Variants in XKR6 observed in about 807,000 individuals in gnomAD.
XKR6 encodes the protein XK-related protein 6.
Under a neutral mutation model 56.7 loss-of-function variants are expected in XKR6, and 22 were observed. That is an observed-to-expected ratio of 0.39 (90% confidence interval 0.28 to 0.55). XKR6 has a LOEUF of 0.55. XKR6 is among the 20% of genes least tolerant of loss of function. The pLI, the probability that XKR6 is intolerant of heterozygous loss-of-function variation, is 0.66. For synonymous variants in XKR6, 524 were observed against 387.8 expected, an observed-to-expected ratio of 1.35 and a Z score of -4.13; for missense variants, 852 against 889.0, an observed-to-expected ratio of 0.96 and a Z score of 0.53.
intron 1 of XKR6, among the ~76,000 whole-genome samples, chr8:11,182,882 G>A (rs73530600): frequency 0.037 from 5,589 of 151,954 alleles, 349 homozygotes; most frequent in African/African-American, 0.13. Flanking sequence ...GTATCCCCTC[G>A]CCCCAGCCCC....
chr8:11,120,944 C>G (rs532673836), intron 1 of XKR6, among the ~76,000 whole-genome samples: 2 of 152,212 alleles, frequency 1.3e-5, no homozygotes, highest in African/African-American at 4.8e-5. Context: ...GGAAAGGATT[C>G]CCTATTTAAT....
rs537683575 is a variant in XKR6, at chr8:11,185,832, T to C, written c.764+14744A>G. Among the ~76,000 whole-genome samples, 106 of 152,312 alleles carry C rather than the reference T, an allele frequency of 7.0e-4. 1 individual carries two copies. The Middle Eastern group carries it at 0.01, about 15-fold the overall frequency. On this transcript the variant is annotated intron_variant, in intron 1 of 2. Coordinates refer to ENST00000416569, the MANE Select transcript of XKR6 (RefSeq NM_173683.4). The stretch of plus-strand genomic sequence containing the variant: ...AAAGAAAAATTATTTAAAACTCCAG[T>C]TGTATAATTTCAAGATAGTTTAGTG...
At chr8:11,069,855 G>T (rs562529603) in intron 1 of XKR6, among the ~76,000 whole-genome samples, 2 of 152,306 alleles carry the variant, frequency 1.3e-5, no homozygotes, top group Admixed American at 1.3e-4. Flanking sequence ...TGACAGGAGA[G>T]CTTCTAGGAA....
intron 1 of XKR6, among the ~76,000 whole-genome samples, chr8:11,181,112 T>A (rs113775967): frequency 6.6e-6 from 1 of 152,074 alleles, no homozygotes; most frequent in African/African-American, 2.4e-5. Context: ...CTAAGACTTG[T>A]TGGTAATGTT....
At chr8:10,989,304 T>C (rs1228858697) in intron 1 of XKR6, among the ~76,000 whole-genome samples, 1 of 152,246 alleles carries the variant, frequency 6.6e-6, no homozygotes. Flanking sequence ...TTCTTATAAT[T>C]CCTTTCGTTG....
chr8:11,185,757 C>G (rs1052810196), intron 1 of XKR6, among the ~76,000 whole-genome samples: 1 of 152,196 alleles, frequency 6.6e-6, no homozygotes, highest in Non-Finnish European at 1.5e-5. Context: ...GGCTACAATA[C>G]TTTTCATTGA....
At chr8:11,036,540 G>A (rs1244933222) in intron 1 of XKR6, among the ~76,000 whole-genome samples, 1 of 152,198 alleles carries the variant, frequency 6.6e-6, no homozygotes, top group Non-Finnish European at 1.5e-5. Flanking sequence ...ATCTCTGGGT[G>A]GGGTCCAGGA....
chr8:11,180,771 G>A lies in XKR6; in HGVS notation c.764+19805C>T, dbSNP rs185276913. Among the ~76,000 whole-genome samples, 38 of 152,152 alleles carry A rather than the reference G, an allele frequency of 2.5e-4. 1 individual carries two copies. Among genetic ancestry groups the A allele is most frequent in the African/African-American group, 8.7e-4 (36 of 41,518 alleles). ...AAAATATAAAAATTAGCCAGGTGTGGTGGCCTGCACCTGTAGTCCCAGCTT... is the reference window on the plus strand; with the variant it reads ...AAAATATAAAAATTAGCCAGGTGTGATGGCCTGCACCTGTAGTCCCAGCTT... On this transcript the variant is annotated intron_variant, in intron 1 of 2. Coordinates refer to ENST00000416569, the MANE Select transcript of XKR6 (RefSeq NM_173683.4).
chr8:11,194,356 C>T (rs1372432880), intron 1 of XKR6: 3 of 152,210 alleles, frequency 2.0e-5, no homozygotes, highest in Non-Finnish European at 4.4e-5. Flanking sequence ...TCATACCAGG[C>T]TATGTCCTGC....
chr8:11,179,795 C>G (rs565571117), intron 1 of XKR6, among the ~76,000 whole-genome samples: 1 of 152,146 alleles, frequency 6.6e-6, no homozygotes, highest in Non-Finnish European at 1.5e-5. Context: ...CGGAGCCTAC[C>G]TTAAAGGAGT....
intron 1 of XKR6, among the ~76,000 whole-genome samples, chr8:11,172,394 T>A (rs1221092984): frequency 2.6e-5 from 4 of 152,084 alleles, no homozygotes; most frequent in Non-Finnish European, 5.9e-5. Context: ...AATTACCCAG[T>A]CTCTAGTATT....
intron 1 of XKR6, among the ~76,000 whole-genome samples, chr8:11,136,644 G>A (rs548965369): frequency 2.4e-4 from 37 of 152,098 alleles, no homozygotes; most frequent in Non-Finnish European, 4.4e-4. Context: ...TATCAGTAGA[G>A]ACAAGAGGGA....
At chr8:11,114,492 G>C (rs930192256) in intron 1 of XKR6, among the ~76,000 whole-genome samples, 1 of 152,064 alleles carries the variant, frequency 6.6e-6, no homozygotes, top group African/African-American at 2.4e-5. Flanking sequence ...CTCCCAAGTA[G>C]CTGAGATTAC....
At chr8:11,048,126 C>A (rs1799455144) in intron 1 of XKR6, among the ~76,000 whole-genome samples, 2 of 152,180 alleles carry the variant, frequency 1.3e-5, no homozygotes, top group African/African-American at 4.8e-5. Flanking sequence ...TCAGTCACTG[C>A]AGCAGCCAGA....
chr8:10,898,442 C>T lies in XKR6; in HGVS notation c.1436G>A (p.Cys479Tyr). 2 of 1,614,054 alleles carry T rather than the reference C, an allele frequency of 1.2e-6. No individual in the cohort carries two copies. The highest frequency in any genetic ancestry group is 1.1e-5 in the South Asian group (1 of 91,068). ...CCCAGCCACAAAGCTAATAAAGACA[C>T]AACACAGTGCTGGCACCGCATAGGA... ...TDSYAVPALC[C>Y]VFISFVAGIA... is the part of the protein sequence containing the mutation. Residue 479 changes from cysteine (C) to tyrosine (Y), a missense_variant, in exon 3 of 3, where the codon TGT (cysteine) becomes TAT (tyrosine). Physicochemically the swap from Cys to Tyr is radical, Grantham distance 194. Around this residue, in one of 4 missense-constraint regions of XKR6, gnomAD observed 197 missense variants for 190.9 expected, o/e 1.03. Coordinates refer to ENST00000416569, the MANE Select transcript of XKR6 (RefSeq NM_173683.4). The surrounding 1 kb of genome is among the most constrained non-coding windows in gnomAD (Gnocchi z 6.6).
chr8:10,898,997 C>G lies in XKR6; in HGVS notation c.962-81G>C, dbSNP rs778392832. The G allele has an allele frequency of 2.7e-6, 4 of 1,504,348 alleles. No individual in the cohort carries two copies. The highest frequency in any genetic ancestry group is 2.8e-5 in the African/African-American group (2 of 71,662). The allele number at this position is 1,504,348 out of a possible 1,614,324, so 93.2% of individuals were successfully genotyped here. On this transcript the variant is annotated intron_variant, in intron 2 of 2. Coordinates refer to ENST00000416569, the MANE Select transcript of XKR6 (RefSeq NM_173683.4). The surrounding 1 kb of genome is among the most constrained non-coding windows in gnomAD (Gnocchi z 6.6). ...ACAGTGAAGCTGCCGGCTGAGGAGA[C>G]GCCCACATACACCACGATCTAAAGG...
chr8:10,936,002 T>C (rs1801197272), intron 1 of XKR6, among the ~76,000 whole-genome samples: 2 of 150,946 alleles, frequency 1.3e-5, no homozygotes, highest in Admixed American at 1.3e-4. Flanking sequence ...CAGTGGGGTG[T>C]TAAACTCTCC....
chr8:11,029,883 G>A (rs1469514222), intron 1 of XKR6, among the ~76,000 whole-genome samples: 3 of 152,004 alleles, frequency 2.0e-5, no homozygotes, highest in African/African-American at 7.3e-5. Context: ...CCACGATCTT[G>A]GCTGAAGCCA....
At chr8:11,133,769 A>C (rs778527226) in intron 1 of XKR6, among the ~76,000 whole-genome samples, 17 of 152,120 alleles carry the variant, frequency 1.1e-4, no homozygotes, top group Non-Finnish European at 2.2e-4. Context: ...TACTTCCCTA[A>C]GAAATGTCAG....
Sources: gnomAD v4.1 joint callset for allele counts (sites outside exome capture counted in the v4.1 genomes callset) on GRCh38, gnomAD v4.1.1 for gene constraint, gnomAD v4.1.1 regional missense constraint, Gnocchi (gnomAD v3.1) non-coding constraint, MANE v1.5 for transcripts, NCBI Gene and HGNC (gene_info 2026-07-23, HGNC 2026-07-21) for gene names.